The following WAC variants were observed in gnomAD, a reference collection of about 807,000 sequenced individuals.
WAC encodes the protein WW domain containing adaptor with coiled-coil.
In WAC, 11 loss-of-function variants were observed where a neutral mutation model predicts 79.6. The observed-to-expected ratio is 0.14, with a 90% CI of 0.09 to 0.23. The LOEUF (loss-of-function observed/expected upper bound fraction) is 0.23, where lower values mean the gene tolerates loss of function less well. Ranked by LOEUF, WAC falls within the 10% of genes least tolerant of loss-of-function variation. The pLI is 1.00. For synonymous variants in WAC, 304 were observed against 276.9 expected, an observed-to-expected ratio of 1.10 and a Z score of -0.97; for missense variants, 728 against 773.5, an observed-to-expected ratio of 0.94 and a Z score of 0.70.
intron 3 of WAC, among the ~76,000 whole-genome samples, chr10:28,536,247 A>T (rs941534941): frequency 2.1e-4 from 1 of 4,770 alleles, no homozygotes; most frequent in East Asian, 0.038. Context: ...GACTCCATTA[A>T]AAAAAAAAAA....
At position 28,533,630 on chromosome 10, in the gene WAC, C is replaced by T. The variant is rs199699143; in HGVS notation, c.41+10C>T. 103 of 1,582,142 alleles carry T rather than the reference C, an allele frequency of 6.5e-5. 1 individual carries two copies. The East Asian group carries it at 1.5e-3, about 23-fold the overall frequency. On this transcript the variant is annotated intron_variant, in intron 1 of 13. Transcript: ENST00000354911. ...AGAGACTCAGTGATGGGTAAATTGT[C>T]TTTTCGTTTCGGGCCGGGCGGCGGC... is the stretch of plus-strand genomic sequence containing the variant.
intron 2 of WAC, 188 bp from the exon 3 acceptor site, chr10:28,535,374 T>A: frequency 1.9e-6 from 1 of 531,776 alleles, no homozygotes; most frequent in Non-Finnish European, 3.0e-6. Flanking sequence ...TCAGGAGTCT[T>A]ATTGTAACGC....
At chr10:28,591,413 C>G (rs765968873) in intron 6 of WAC, 1 of 152,390 alleles carries the variant, frequency 6.6e-6, no homozygotes, top group Non-Finnish European at 1.5e-5. Context: ...TGCTCTTCAT[C>G]TATAAAACCG....
intron 3 of WAC, among the ~76,000 whole-genome samples, chr10:28,579,377 C>T (rs1839414755): frequency 6.6e-6 from 1 of 152,076 alleles, no homozygotes; most frequent in Non-Finnish European, 1.5e-5. Flanking sequence ...CTCTCACCAG[C>T]ATGTATATAT....
chr10:28,552,534 G>C (rs975183865), intron 3 of WAC, among the ~76,000 whole-genome samples: 3 of 152,256 alleles, frequency 2.0e-5, no homozygotes, highest in Admixed American at 2.0e-4. Context: ...CCCTTAATTG[G>C]TTGGCCTTTG....
At chr10:28,545,139 C>T (rs1477943003) in intron 3 of WAC, among the ~76,000 whole-genome samples, 1 of 151,898 alleles carries the variant, frequency 6.6e-6, no homozygotes. Flanking sequence ...AAAGTTACAG[C>T]TTCCTTGACT....
At chr10:28,544,013 G>T (rs140810500) in intron 3 of WAC, among the ~76,000 whole-genome samples, 2,889 of 152,250 alleles carry the variant, frequency 0.019, 99 homozygotes, top group African/African-American at 0.066. Flanking sequence ...CACCCAAATA[G>T]CTGGGATTAC....
intron 3 of WAC, among the ~76,000 whole-genome samples, chr10:28,541,415 G>GTTTTTTTTTTTTTTTTTTTTTTTTTTTT (rs143772149): frequency 2.6e-5 from 1 of 37,904 alleles, no homozygotes. Context: ...GTGTGTGTGT[G>GTTTTTTTTTTTTTTTTTTTTTTTTTTTT]TTTTGTTTTT....
Position 28,534,050 on chromosome 10 carries a change from G to A in WAC, c.78+16G>A, listed in dbSNP as rs777195929. 3.8e-6 allele frequency: 6 copies of A among 1,573,882 alleles called. No individual in the cohort carries two copies. Among genetic ancestry groups the A allele is most frequent in the Non-Finnish European group, 4.3e-6 (5 of 1,162,334 alleles). On this transcript the variant is annotated intron_variant, in intron 2 of 13. Coordinates refer to ENST00000354911, the MANE Select transcript of WAC (RefSeq NM_016628.5). ...GCCTTACCAGGTACCAGCCGAGGCC[G>A]GGGTGGAGGGATTGGAAGGGGCCGG...
At chr10:28,569,900 A>G (rs532264655) in intron 3 of WAC, among the ~76,000 whole-genome samples, 1 of 152,352 alleles carries the variant, frequency 6.6e-6, no homozygotes, top group East Asian at 1.9e-4. Flanking sequence ...TTGAATAAAC[A>G]ACCATTTCAT....
At chr10:28,583,329 T>C in intron 3 of WAC, 70 bp from the exon 4 acceptor site, 1 of 1,154,776 alleles carries the variant, frequency 8.7e-7, no homozygotes, top group Non-Finnish European at 1.2e-6. Flanking sequence ...TCTAGTATGA[T>C]AGAAAACAGT....
At chr10:28,616,631 A>G (rs1434821660) in intron 12 of WAC, among the ~76,000 whole-genome samples, 3 of 152,204 alleles carry the variant, frequency 2.0e-5, no homozygotes, top group Admixed American at 2.0e-4. Context: ...TACTTCTTAA[A>G]ACAGCTAAGC....
At chr10:28,548,211 A>G (rs1464358153) in intron 3 of WAC, among the ~76,000 whole-genome samples, 2 of 152,018 alleles carry the variant, frequency 1.3e-5, no homozygotes, top group African/African-American at 4.8e-5. Flanking sequence ...GGAGTGAGCC[A>G]CCACGCCCGG....
intron 3 of WAC, among the ~76,000 whole-genome samples, chr10:28,541,395 G>T (rs1011303059): frequency 8.2e-6 from 1 of 121,710 alleles, no homozygotes; most frequent in African/African-American, 3.2e-5. Flanking sequence ...ACCAATTTTT[G>T]TGGGGTTGTG....
In WAC at chr10:28,616,520, T is replaced by C. The variant is rs78163306; in HGVS notation, c.1746+158T>C. 0.015 allele frequency among the ~76,000 whole-genome samples: 2,271 copies of C among 152,338 alleles called. 60 individuals carry two copies. The highest frequency in any genetic ancestry group is 0.05 in the African/African-American group (2,065 of 41,578). On this transcript the variant is annotated intron_variant, in intron 12 of 13. Transcript: ENST00000354911. ...TTTAAAAAATATTTGATATATAAGA[T>C]AACTTTTCTGGTTTTACAAAATATT...
At chr10:28,554,774 C>A (rs1438084920) in intron 3 of WAC, among the ~76,000 whole-genome samples, 3 of 152,194 alleles carry the variant, frequency 2.0e-5, no homozygotes, top group Non-Finnish European at 4.4e-5. Flanking sequence ...TCCACCCCTC[C>A]GCTTTGCTCT....
chr10:28,583,298 G>T, intron 3 of WAC, 101 bp from the exon 4 acceptor site: 1 of 821,760 alleles, frequency 1.2e-6, no homozygotes, highest in Non-Finnish European at 1.9e-6. Flanking sequence ...TAAGATGTTC[G>T]TTTAGAGATA....
intron 3 of WAC, among the ~76,000 whole-genome samples, chr10:28,564,483 T>C (rs535508765): frequency 6.6e-6 from 1 of 152,218 alleles, no homozygotes; most frequent in East Asian, 1.9e-4. Context: ...TTAAGGAATG[T>C]TAGTGGGGAT....
At chr10:28,612,254 A>C (rs1203399086) in intron 10 of WAC, among the ~76,000 whole-genome samples, 1 of 152,266 alleles carries the variant, frequency 6.6e-6, no homozygotes, top group African/African-American at 2.4e-5. Flanking sequence ...CATGTTTTCC[A>C]GTGACTTTTC....
Sources: gnomAD v4.1 joint callset for allele counts (sites outside exome capture counted in the v4.1 genomes callset) on GRCh38, gnomAD v4.1.1 for gene constraint, MANE v1.5 for transcripts, NCBI Gene and HGNC (gene_info 2026-07-23, HGNC 2026-07-21) for gene names.